Variants in CFAP57 observed in about 807,000 individuals in gnomAD.
CFAP57 encodes cilia and flagella associated protein 57, also known as cilia- and flagella-associated protein 57.
CFAP57 carries 116 observed loss-of-function variants against 146.8 expected under a neutral mutation model. That is an observed-to-expected ratio of 0.79 (90% CI 0.68 to 0.92). The LOEUF (loss-of-function observed/expected upper bound fraction) is 0.92. Among genes scored for constraint, CFAP57 ranks in the 40% least tolerant of loss-of-function variants. CFAP57 has a pLI of 0.00. For missense variants in CFAP57, 1,377 were observed against 1,527.2 expected (o/e 0.90, Z 1.64); for synonymous variants, 518 against 552.8 (o/e 0.94, Z 0.88).
At chr1:43,199,269 CA>C (rs1172227616) in intron 8 of CFAP57, 120 bp from the exon 9 acceptor site, 3 of 905,030 alleles carry the variant, frequency 3.3e-6, no homozygotes, top group Middle Eastern at 4.2e-4. Flanking sequence ...ACCTTCCCCC[CA>C]CTCCCACCCT....
intron 13 of CFAP57, 156 bp downstream of exon 13, chr1:43,219,693 C>T: frequency 3.1e-6 from 3 of 972,060 alleles, no homozygotes; most frequent in East Asian, 6.1e-5. Context: ...ATGCTTACAA[C>T]TGGCCAGGCA....
At chr1:43,226,949 A>G (rs532985181) in intron 17 of CFAP57, 34 bp from the exon 18 acceptor site, 14 of 1,469,154 alleles carry the variant, frequency 9.5e-6, no homozygotes, top group South Asian at 1.5e-5. Context: ...AGGGCCTTAC[A>G]ATATCTCTCA....
intron 6 of CFAP57, among the ~76,000 whole-genome samples, chr1:43,191,582 G>C (rs543231793): frequency 9.5e-6 from 1 of 105,092 alleles, no homozygotes; most frequent in Non-Finnish European, 1.7e-5. Context: ...GCAAGACTCC[G>C]TCTCAAAAAA....
chr1:43,212,673 C>G (rs371146308), intron 11 of CFAP57, among the ~76,000 whole-genome samples: 153 of 152,268 alleles, frequency 1.0e-3, no homozygotes, highest in African/African-American at 3.5e-3. Context: ...TGGGTCATGC[C>G]TGTGATCCCA....
intron 17 of CFAP57, 37 bp from the exon 18 acceptor site, chr1:43,226,946 T>TA: frequency 6.8e-7 from 1 of 1,466,996 alleles, no homozygotes; most frequent in Non-Finnish European, 9.0e-7. Flanking sequence ...ACCAGGGCCT[T>TA]ACAATATCTC....
At chr1:43,215,950 C>T (rs1644817138) in intron 12 of CFAP57, among the ~76,000 whole-genome samples, 4 of 152,076 alleles carry the variant, frequency 2.6e-5, no homozygotes, top group Admixed American at 2.6e-4. Flanking sequence ...ATCCAGAGCC[C>T]CCTCCCTTAA....
At chr1:43,188,669 C>T (rs1335764832) in intron 6 of CFAP57, among the ~76,000 whole-genome samples, 1 of 151,994 alleles carries the variant, frequency 6.6e-6, no homozygotes, top group African/African-American at 2.4e-5. Context: ...GATATAAGTC[C>T]TTTATCAGAT....
intron 6 of CFAP57, among the ~76,000 whole-genome samples, chr1:43,190,244 T>A (rs918395273): frequency 1.3e-5 from 2 of 149,648 alleles, no homozygotes; most frequent in South Asian, 2.1e-4. Context: ...TTCCTAATCT[T>A]AGGGAGAAAG....
rs1210214232 is a variant in CFAP57, at chr1:43,222,960, T to G, written c.2669T>G (p.Leu890Arg). Residue 890 changes from leucine (L) to arginine (R), a missense_variant, in exon 16 of 23, where the codon CTG becomes CGG. Physicochemically the swap from Leu to Arg is moderately radical, Grantham distance 102. Coordinates refer to ENST00000372492, the MANE Select transcript of CFAP57 (RefSeq NM_001378189.1). ...KKLRDEKESNLRLKGETGIMR... is the reference protein window; with the variant it reads ...KKLRDEKESNRRLKGETGIMR... ...CTTCGGGATGAAAAGGAATCAAACC[T>G]GCGGCTCAAGGGAGAAACAGGCATC... 3 of 1,550,120 alleles carry G rather than the reference T, an allele frequency of 1.9e-6. No individual in the cohort carries two copies. The Admixed American group carries it at 5.9e-5, about 30-fold the overall frequency.
intron 2 of CFAP57, among the ~76,000 whole-genome samples, chr1:43,176,569 C>T (rs1345426067): frequency 6.6e-6 from 1 of 152,160 alleles, no homozygotes; most frequent in Non-Finnish European, 1.5e-5. Context: ...GTTCACTCAA[C>T]AAAAATGTAT....
At chr1:43,215,784 A>G (rs1453526688) in intron 12 of CFAP57, among the ~76,000 whole-genome samples, 2 of 152,236 alleles carry the variant, frequency 1.3e-5, no homozygotes, top group African/African-American at 4.8e-5. Context: ...TATTTACAAA[A>G]GTAAAGTATG....
intron 22 of CFAP57, among the ~76,000 whole-genome samples, chr1:43,247,326 A>C (rs765648600): frequency 4.6e-5 from 7 of 152,232 alleles, no homozygotes; most frequent in Non-Finnish European, 1.0e-4. Context: ...CCAAAAAACC[A>C]CATGATGAAT....
chr1:43,253,820 A>G (rs1646378714), intron 22 of CFAP57, among the ~76,000 whole-genome samples, 157 bp from the exon 23 acceptor site: 2 of 152,136 alleles, frequency 1.3e-5, no homozygotes, highest in African/African-American at 4.8e-5. Context: ...TCTGCGAGAC[A>G]GCAAAATGGC....
intron 2 of CFAP57, among the ~76,000 whole-genome samples, chr1:43,173,841 A>G (rs1332272012): frequency 2.6e-5 from 4 of 152,248 alleles, no homozygotes; most frequent in Non-Finnish European, 5.9e-5. Context: ...GACTAAAATT[A>G]CTGAGCAATA....
At chr1:43,244,118 G>T (rs1646027746) in intron 22 of CFAP57, among the ~76,000 whole-genome samples, 2 of 152,112 alleles carry the variant, frequency 1.3e-5, no homozygotes, top group African/African-American at 4.8e-5. Flanking sequence ...CCGCTTTCAG[G>T]CCCCAAAGAA....
rs562504082 is a variant in CFAP57 at position 43,253,690 on chromosome 1, C to A, written c.3539-287C>A. Among the ~76,000 whole-genome samples the A allele has an allele frequency of 2.0e-5, 3 of 152,176 alleles. No individual in the cohort carries two copies. In the South Asian group the frequency reaches 6.2e-4, roughly 32 times the overall value. On this transcript the variant is annotated intron_variant, in intron 22 of 22. Transcript: ENST00000372492. ...ATGTGGAGAATGGGAGAAGGGGCAG[C>A]CTCCATGGGTGGGGGCCTCTGTGCA...
In CFAP57 at chr1:43,172,923, C is replaced by T; in HGVS notation, c.157+13C>T. ...AAATTCATTCCAGGTAAAACTTTTT[C>T]CATCCTGACATATACAGGAATGGTA... On this transcript the variant is annotated intron_variant, in intron 2 of 22. Coordinates refer to ENST00000372492, the MANE Select transcript of CFAP57 (RefSeq NM_001378189.1). The T allele has an allele frequency of 6.2e-7, 1 of 1,611,328 alleles. No homozygotes were observed. The highest frequency in any genetic ancestry group is 1.1e-5 in the South Asian group (1 of 90,962).
chr1:43,233,661 G>A (rs1645566531), intron 19 of CFAP57, among the ~76,000 whole-genome samples: 1 of 152,160 alleles, frequency 6.6e-6, no homozygotes, highest in South Asian at 2.1e-4. Context: ...TAGTTATATT[G>A]AGAGGTAGAA....
intron 9 of CFAP57, among the ~76,000 whole-genome samples, chr1:43,200,018 A>G (rs948369919): frequency 6.6e-6 from 1 of 152,124 alleles, no homozygotes; most frequent in African/African-American, 2.4e-5. Flanking sequence ...AAATCATGGA[A>G]GACTTTCAGG....
Sources: allele counts gnomAD v4.1 joint callset (sites outside exome capture counted in the v4.1 genomes callset), GRCh38; gene constraint gnomAD v4.1.1; transcripts MANE v1.5; gene names NCBI Gene and HGNC (gene_info 2026-07-23, HGNC 2026-07-21).